Variants in STXBP5L observed in about 807,000 individuals in gnomAD.
STXBP5L encodes the protein syntaxin binding protein 5L, also known as syntaxin-binding protein 5-like.
Under a neutral mutation model 144.5 loss-of-function variants are expected in STXBP5L, and 65 were observed. The ratio of observed to expected loss-of-function variants is 0.45; its 90% confidence interval spans 0.37 to 0.55. The LOEUF is 0.55. Ranked by LOEUF, STXBP5L falls within the 20% of genes least tolerant of loss-of-function variation. The pLI, the probability that STXBP5L is intolerant of heterozygous loss-of-function variation, is 0.00. For missense variants in STXBP5L, 1,298 were observed against 1,405.5 expected, an observed-to-expected ratio of 0.92 and a Z score of 1.22; for synonymous variants, 505 against 469.6, an observed-to-expected ratio of 1.08 and a Z score of -0.97.
chr3:121,322,885 A>C (rs910519598), intron 20 of STXBP5L, among the ~76,000 whole-genome samples: 1 of 152,162 alleles, frequency 6.6e-6, no homozygotes, highest in Non-Finnish European at 1.5e-5. Flanking sequence ...AATAACAGCT[A>C]TTCTGACTGG....
chr3:120,965,573 T>C (rs1385567500), intron 3 of STXBP5L, among the ~76,000 whole-genome samples: 2 of 152,298 alleles, frequency 1.3e-5, no homozygotes, highest in South Asian at 2.1e-4. Flanking sequence ...CCATTGAAAA[T>C]TCTTTTCTGT....
intron 13 of STXBP5L, among the ~76,000 whole-genome samples, chr3:121,239,953 A>G (rs2049614101): frequency 6.6e-6 from 1 of 152,132 alleles, no homozygotes; most frequent in Non-Finnish European, 1.5e-5. Context: ...ATAATTATTA[A>G]AAGTTATTTG....
rs1444626384 is a variant in STXBP5L at position 121,358,241 on chromosome 3, C to G, written c.2177-20475C>G. ...CTAATTTTTTCTACCCATTAACCATCCGCAACACCTCCCTAACCCCCCACT... is the reference window on the plus strand; with the variant it reads ...CTAATTTTTTCTACCCATTAACCATGCGCAACACCTCCCTAACCCCCCACT... On this transcript the variant is annotated intron_variant, in intron 20 of 26. Transcript: ENST00000471454. Among the ~76,000 whole-genome samples the G allele has an allele frequency of 4.0e-5, 6 of 151,174 alleles. No individual in the cohort carries two copies. The East Asian group carries it at 1.2e-3, about 30-fold the overall frequency.
chr3:121,402,318 CAATT>C lies in STXBP5L; in HGVS notation c.2588-4922_2588-4919del, dbSNP rs752628758. On this transcript the variant is annotated intron_variant, in intron 22 of 26. Coordinates refer to ENST00000471454, the MANE Select transcript of STXBP5L (RefSeq NM_001308330.2). ...GAGAAGTTCCGTGGAAGTTGAGAGACAATTAAAGTTTAAACAATGTATGTAAGGG... is the reference window on the plus strand; with the variant it reads ...GAGAAGTTCCGTGGAAGTTGAGAGACAAAGTTTAAACAATGTATGTAAGGG... Among the ~76,000 whole-genome samples the C allele has an allele frequency of 4.6e-5, 7 of 152,096 alleles. No homozygotes were observed. The South Asian group carries it at 6.2e-4, about 14-fold the overall frequency.
At chr3:120,953,527 G>A (rs183735958) in intron 2 of STXBP5L, among the ~76,000 whole-genome samples, 1 of 140,188 alleles carries the variant, frequency 7.1e-6, no homozygotes, top group East Asian at 2.1e-4. Context: ...TTGTAGAGAT[G>A]GGGTCTTGTA....
At chr3:121,209,253 G>A (rs561727795) in intron 10 of STXBP5L, among the ~76,000 whole-genome samples, 5 of 152,040 alleles carry the variant, frequency 3.3e-5, no homozygotes, top group African/African-American at 1.2e-4. Flanking sequence ...TGTCTTTATA[G>A]TAGAATGATT....
At chr3:120,974,071 T>G (rs981619395) in intron 3 of STXBP5L, among the ~76,000 whole-genome samples, 91 of 152,292 alleles carry the variant, frequency 6.0e-4, no homozygotes, top group Non-Finnish European at 6.8e-4. Flanking sequence ...ATGGGATGGC[T>G]GGGTCAAATG....
rs1266360076 is a variant in STXBP5L at position 121,045,446 on chromosome 3, C to A, written c.381C>A (p.Val127=). The change falls in exon 5 of 27, where the codon GTC becomes GTA. Residue 127 remains valine (V), a synonymous_variant. Transcript: ENST00000471454. ...LQFLINEGAL[V]SASSDDTLHL... ...TCTTTTTGTTCTAGGGTGCCTTGGT[C>A]AGTGCAAGTTCAGATGATACACTTC... 6.2e-7 allele frequency: 1 copy of A among 1,609,344 alleles called. No individual in the cohort carries two copies. Among genetic ancestry groups the A allele is most frequent in the African/African-American group, 1.3e-5 (1 of 74,856 alleles).
At chr3:121,042,163 A>G (rs1338876653) in intron 4 of STXBP5L, among the ~76,000 whole-genome samples, 3 of 152,090 alleles carry the variant, frequency 2.0e-5, no homozygotes, top group Non-Finnish European at 4.4e-5. Context: ...CTTCCCTGAA[A>G]TGATCCTTTT....
intron 2 of STXBP5L, among the ~76,000 whole-genome samples, chr3:120,910,105 T>C (rs1303377266): frequency 1.3e-5 from 2 of 152,244 alleles, no homozygotes; most frequent in Non-Finnish European, 2.9e-5. Flanking sequence ...GAGAAAATAT[T>C]GTTATTTCAC....
intron 3 of STXBP5L, among the ~76,000 whole-genome samples, chr3:120,958,160 G>T (rs1357400260): frequency 2.6e-5 from 4 of 152,152 alleles, no homozygotes; most frequent in Non-Finnish European, 5.9e-5. Context: ...AAATCTAGAA[G>T]AAATGGATAA....
At chr3:121,061,782 G>T (rs1462365640) in intron 5 of STXBP5L, among the ~76,000 whole-genome samples, 1 of 152,142 alleles carries the variant, frequency 6.6e-6, no homozygotes, top group Non-Finnish European at 1.5e-5. Flanking sequence ...CAGAGACAGG[G>T]ATTGCAACCC....
intron 2 of STXBP5L, among the ~76,000 whole-genome samples, chr3:120,910,886 T>C (rs1402124355): frequency 2.6e-5 from 4 of 152,186 alleles, no homozygotes; most frequent in Admixed American, 2.6e-4. Flanking sequence ...TAAGCTACTT[T>C]GTGAAATTTG....
At chr3:121,066,540 C>T (rs2041559486) in intron 5 of STXBP5L, among the ~76,000 whole-genome samples, 2 of 151,984 alleles carry the variant, frequency 1.3e-5, no homozygotes, top group African/African-American at 4.8e-5. Flanking sequence ...TTAGATGACC[C>T]TTGCATTCCC....
At chr3:121,165,938 C>T (rs1251892864) in intron 9 of STXBP5L, among the ~76,000 whole-genome samples, 1 of 147,230 alleles carries the variant, frequency 6.8e-6, no homozygotes, top group South Asian at 2.2e-4. Context: ...GAAAAGTTAC[C>T]GCTATTTTCT....
chr3:120,963,637 G>A (rs1237436065), intron 3 of STXBP5L, among the ~76,000 whole-genome samples: 1 of 152,146 alleles, frequency 6.6e-6, no homozygotes, highest in Non-Finnish European at 1.5e-5. Context: ...TGATCATGGT[G>A]GATAAGCTTT....
chr3:121,327,516 A>G (rs1455497976), intron 20 of STXBP5L, among the ~76,000 whole-genome samples: 1 of 152,048 alleles, frequency 6.6e-6, no homozygotes, highest in East Asian at 1.9e-4. Context: ...ACTTTCACTC[A>G]TTTTCATAAT....
intron 5 of STXBP5L, chr3:121,099,043 C>T (rs2043282311): frequency 6.6e-6 from 1 of 152,162 alleles, no homozygotes. Context: ...TCGTAAGCTT[C>T]CCCAAAATGA....
intron 3 of STXBP5L, among the ~76,000 whole-genome samples, chr3:120,974,425 G>A (rs1183991970): frequency 1.3e-5 from 2 of 149,860 alleles, no homozygotes; most frequent in Admixed American, 1.4e-4. Context: ...TGAGTTCATT[G>A]TAGATTCTGG....
Sources: gnomAD v4.1 joint callset for allele counts (sites outside exome capture counted in the v4.1 genomes callset) on GRCh38, gnomAD v4.1.1 for gene constraint, MANE v1.5 for transcripts, NCBI Gene and HGNC (gene_info 2026-07-23, HGNC 2026-07-21) for gene names.